KANSL1: variants seen among roughly 807,000 people sequenced by gnomAD.
KANSL1 encodes the protein KAT8 regulatory NSL complex subunit 1, also known as MLL1/MLL complex subunit KANSL1.
A neutral mutation model predicts 103.6 loss-of-function variants in KANSL1; 22 were observed. The observed-to-expected ratio is 0.21, with a 90% CI of 0.15 to 0.30. KANSL1 has a LOEUF of 0.30. Ranked by LOEUF, KANSL1 falls within the 10% of genes least tolerant of loss-of-function variation. The pLI is 1.00. For synonymous variants in KANSL1, 600 were observed against 527.6 expected (o/e 1.14, Z -1.88); for missense variants, 1,337 against 1,399.8 (o/e 0.96, Z 0.72).
chr17:46,070,818 TTC>T (rs2078548678), intron 4 of KANSL1, among the ~76,000 whole-genome samples: 1 of 152,152 alleles, frequency 6.6e-6, no homozygotes. Context: ...CCTTCACGTG[TTC>T]TAGAAGGTAC....
Position 46,170,887 on chromosome 17 carries a change from G to A in KANSL1, c.1257C>T (p.Thr419=). 6.2e-7 allele frequency: 1 copy of A among 1,613,122 alleles called. No homozygotes were observed. The highest frequency in any genetic ancestry group is 1.1e-5 in the South Asian group (1 of 90,968). Residue 419 remains threonine (T), a synonymous_variant, in exon 2 of 15, where the codon ACC becomes ACT. Transcript: ENST00000432791. Reference sequence around the variant, plus strand: ...CATGACGCTGCTCGGGATCAGCTCTGGTCAGTTCTTCCTCTTCAATATCAG... The same window carrying A: ...CATGACGCTGCTCGGGATCAGCTCTAGTCAGTTCTTCCTCTTCAATATCAG... The part of the protein sequence containing the change: ...GESDIEEEEL[T]RADPEQRHVP...
chr17:46,140,458 T>C (rs2044363840), intron 2 of KANSL1, among the ~76,000 whole-genome samples: 1 of 152,074 alleles, frequency 6.6e-6, no homozygotes, highest in South Asian at 2.1e-4. Flanking sequence ...GAAAAAAGCA[T>C]AGGAGTAAAT....
At position 46,039,059 on chromosome 17, in the gene KANSL1, C is replaced by T. The variant is rs1405916452; in HGVS notation, c.2360G>A (p.Arg787Lys). The T allele has an allele frequency of 1.2e-6, 2 of 1,611,378 alleles. No individual in the cohort carries two copies. Among genetic ancestry groups the T allele is most frequent in the East Asian group, 2.2e-5 (1 of 44,814 alleles). The change falls in exon 9 of 15, where the codon AGA becomes AAA. Residue 787 changes from arginine (R) to lysine (K), a missense_variant. Physicochemically the swap from Arg to Lys is conservative, Grantham distance 26 (BLOSUM62 2). Transcript: ENST00000432791. ...TCTCTCAGATGAATGGTCTCGCAATCTCATTTTGCTGTGGTTTGGGTCATG... is the reference window on the plus strand; with the variant it reads ...TCTCTCAGATGAATGGTCTCGCAATTTCATTTTGCTGTGGTTTGGGTCATG... Reference protein sequence around the residue: ...PVHDPNHSKMRLRDHSSERSE... With the variant: ...PVHDPNHSKMKLRDHSSERSE...
rs1233070500 is a variant in KANSL1 at position 46,029,958 on chromosome 17, T to C, written c.*1518A>G. On this transcript the variant is annotated 3_prime_UTR_variant, in exon 15 of 15. Coordinates refer to ENST00000432791, the MANE Select transcript of KANSL1 (RefSeq NM_015443.4). ...TTATTTTTTTCAATTTTTCCTTCTTTTTTTTTTTTAAGCACTAGTCTGTGC... is the reference window on the plus strand; with the variant it reads ...TTATTTTTTTCAATTTTTCCTTCTTCTTTTTTTTTAAGCACTAGTCTGTGC... The C allele has an allele frequency of 6.6e-6, 1 of 151,732 alleles. No homozygotes were observed. The highest frequency in any genetic ancestry group is 1.5e-5 in the Non-Finnish European group (1 of 67,746). 9.4% of individuals were successfully genotyped at this position (151,732 alleles called of 1,614,324 possible).
chr17:46,192,571 A>T (rs1375605410), intron 1 of KANSL1: 1 of 152,894 alleles, frequency 6.5e-6, no homozygotes, highest in African/African-American at 2.4e-5. Context: ...CGCCAAAGGA[A>T]AAGCTGGCGA....
At chr17:46,176,189 C>T (rs2046511348) in intron 1 of KANSL1, among the ~76,000 whole-genome samples, 1 of 152,202 alleles carries the variant, frequency 6.6e-6, no homozygotes, top group South Asian at 2.1e-4. Context: ...AACAGCTTCC[C>T]TCTGAGGACC....
chr17:46,127,162 AC>A (rs2043610151), intron 2 of KANSL1, among the ~76,000 whole-genome samples: 1 of 152,254 alleles, frequency 6.6e-6, no homozygotes, highest in African/African-American at 2.4e-5. Context: ...GACTATTTTC[AC>A]CCCTCACAAT....
chr17:46,097,574 A>T (rs1249692735), intron 2 of KANSL1, among the ~76,000 whole-genome samples: 2 of 152,272 alleles, frequency 1.3e-5, no homozygotes, highest in Non-Finnish European at 2.9e-5. Flanking sequence ...ATGTAAAAAA[A>T]CAAAGATGGA....
intron 2 of KANSL1, among the ~76,000 whole-genome samples, chr17:46,122,703 G>C (rs953276774): frequency 6.6e-6 from 1 of 152,158 alleles, no homozygotes; most frequent in African/African-American, 2.4e-5. Context: ...CTCACTTCAT[G>C]TCCATGTGAC....
chr17:46,159,813 A>G (rs1240441642), intron 2 of KANSL1, among the ~76,000 whole-genome samples: 2 of 151,606 alleles, frequency 1.3e-5, no homozygotes, highest in Non-Finnish European at 2.9e-5. Flanking sequence ...TAGCCATTTG[A>G]TGGGGAAAAA....
chr17:46,112,656 T>A (rs1267885356), intron 2 of KANSL1, among the ~76,000 whole-genome samples: 1 of 151,762 alleles, frequency 6.6e-6, no homozygotes, highest in Non-Finnish European at 1.5e-5. Flanking sequence ...CTGCATTCCA[T>A]CCTGGGTGAG....
intron 6 of KANSL1, among the ~76,000 whole-genome samples, chr17:46,062,893 T>C (rs1300801268): frequency 6.6e-6 from 1 of 151,362 alleles, no homozygotes; most frequent in East Asian, 2.0e-4. Flanking sequence ...CTACTAAAAA[T>C]ACAAAAAATA....
At chr17:46,211,705 A>C (rs2148025885) in intron 1 of KANSL1, among the ~76,000 whole-genome samples, 1 of 152,398 alleles carries the variant, frequency 6.6e-6, no homozygotes, top group Non-Finnish European at 1.5e-5. Context: ...GCAAAGGGGC[A>C]ATGTGATCAA....
chr17:46,171,921 G>A lies in KANSL1; in HGVS notation c.223C>T (p.Leu75=). 1.2e-6 allele frequency: 2 copies of A among 1,614,262 alleles called. No individual in the cohort carries two copies. The highest frequency in any genetic ancestry group is 1.7e-6 in the Non-Finnish European group (2 of 1,180,044). The change falls in exon 2 of 15, where the codon CTG becomes TTG. Residue 75 remains leucine, a synonymous_variant. Coordinates refer to ENST00000432791, the MANE Select transcript of KANSL1 (RefSeq NM_015443.4). ...NNPTKEDLGK[L]QPLVASYLCS... is the part of the protein sequence containing the mutation. ...AGATAAGATGCCACCAGTGGTTGCA[G>A]CTTTCCCAAGTCTTCCTTGGTAGGA...
intron 6 of KANSL1, among the ~76,000 whole-genome samples, chr17:46,055,937 G>T (rs2077910151): frequency 1.3e-5 from 2 of 152,098 alleles, no homozygotes; most frequent in Admixed American, 1.3e-4. Context: ...TCATACAGAA[G>T]AAAACGGCTG....
intron 1 of KANSL1, among the ~76,000 whole-genome samples, chr17:46,183,358 T>C (rs2046874963): frequency 6.6e-6 from 1 of 151,802 alleles, no homozygotes; most frequent in African/African-American, 2.4e-5. Context: ...GGCAGGAGGA[T>C]CGCCTGAGCC....
At position 46,172,182 on chromosome 17, in the gene KANSL1, C is replaced by T. The variant is rs773860731; in HGVS notation, c.-39G>A. Reference sequence around the variant, plus strand: ...ACAGGAAGTCCAGCCTCTCCCGATGCCGAGGCCGAGGCCAGCTCCACGGCC... The same window carrying T: ...ACAGGAAGTCCAGCCTCTCCCGATGTCGAGGCCGAGGCCAGCTCCACGGCC... On this transcript the variant is annotated 5_prime_UTR_variant, in exon 2 of 15. Coordinates refer to ENST00000432791, the MANE Select transcript of KANSL1 (RefSeq NM_015443.4). The T allele has an allele frequency of 1.3e-6, 2 of 1,570,138 alleles. No individual in the cohort carries two copies. The highest frequency in any genetic ancestry group is 2.3e-5 in the South Asian group (2 of 88,820).
chr17:46,141,458 A>T (rs2044417352), intron 2 of KANSL1, among the ~76,000 whole-genome samples: 1 of 152,262 alleles, frequency 6.6e-6, no homozygotes. Context: ...GGGGCTGCTT[A>T]AGGGTCTAAG....
upstream of KANSL1, chr17:46,193,800 G>C (rs1231340880): frequency 6.0e-6 from 1 of 166,750 alleles, no homozygotes; most frequent in Non-Finnish European, 1.3e-5. Context: ...CGGCGGTGCG[G>C]CTCGCCAGTT....
Sources: allele counts gnomAD v4.1 joint callset (sites outside exome capture counted in the v4.1 genomes callset), GRCh38; gene constraint gnomAD v4.1.1; transcripts MANE v1.5; gene names NCBI Gene and HGNC (gene_info 2026-07-23, HGNC 2026-07-21).